The following NIBAN2 variants were observed in gnomAD, a reference collection of about 807,000 sequenced individuals.
NIBAN2 encodes protein Niban 2.
In NIBAN2, 36 loss-of-function variants were observed where a neutral mutation model predicts 81.8. The observed-to-expected ratio is 0.44, with a 90% CI of 0.34 to 0.58. The LOEUF (loss-of-function observed/expected upper bound fraction) is 0.58. NIBAN2 is among the 20% of genes least tolerant of loss of function. NIBAN2 has a pLI of 0.02. For missense variants in NIBAN2, 897 were observed against 1,014.1 expected (o/e 0.88, Z 1.57); for synonymous variants, 445 against 441.6 (o/e 1.01, Z -0.10).
intron 1 of NIBAN2, among the ~76,000 whole-genome samples, chr9:127,578,576 C>T (rs1050438157): frequency 6.6e-6 from 1 of 151,274 alleles, no homozygotes; most frequent in South Asian, 2.1e-4. Flanking sequence ...GCAGGAGAAT[C>T]GCTTGAATCT....
Position 127,506,719 on chromosome 9 carries a change from T to G in NIBAN2, c.*126A>C, listed in dbSNP as rs1188349368. 2.6e-6 allele frequency: 2 copies of G among 776,712 alleles called. No individual in the cohort carries two copies. Among genetic ancestry groups the G allele is most frequent in the Non-Finnish European group, 3.9e-6 (2 of 516,116 alleles). 48.1% of individuals were successfully genotyped at this position (776,712 alleles called of 1,614,324 possible). On this transcript the variant is annotated 3_prime_UTR_variant, in exon 14 of 14. Transcript: ENST00000373312. Reference sequence around the variant, plus strand: ...CTCAGGTGGGCCCGCTCCCTGGCGGTGCCACACAGCCCTGCCCCGCCTCCA... The same window carrying G: ...CTCAGGTGGGCCCGCTCCCTGGCGGGGCCACACAGCCCTGCCCCGCCTCCA...
rs1837001942 is a variant in NIBAN2 at position 127,523,591 on chromosome 9, C to T, written c.589+88G>A. 2.8e-6 allele frequency: 4 copies of T among 1,407,606 alleles called. No individual in the cohort carries two copies. In the Admixed American group the frequency reaches 7.3e-5, roughly 26 times the overall value. 87.2% of individuals were successfully genotyped at this position (1,407,606 alleles called of 1,614,324 possible). ...CAGCCTGTAGAGCAGGGTTGCCACA[C>T]CATAGTCAGCCACTAGGTGTCACCA... On this transcript the variant is annotated intron_variant, in intron 5 of 13. Transcript: ENST00000373312.
rs756382989 is a variant in NIBAN2 at position 127,516,969 on chromosome 9, G to C, written c.861C>G (p.Phe287Leu). The change falls in exon 8 of 14, where the codon TTC (phenylalanine) becomes TTG (leucine). Residue 287 changes from phenylalanine to leucine, a missense_variant. This residue lies in a region of NIBAN2 where 619 missense variants were observed against 691.0 expected (regional missense o/e 0.90). Transcript: ENST00000373312. Reference sequence around the variant, plus strand: ...GCTGCACCTTGGACAGCACCTCCTCGAAGCGCGCCTTGGCCTGCTCGTACA... The same window carrying C: ...GCTGCACCTTGGACAGCACCTCCTCCAAGCGCGCCTTGGCCTGCTCGTACA... ...HMVYEQAKAR[F>L]EEVLSKVQQV... is the part of the protein sequence containing the mutation. The C allele has an allele frequency of 6.2e-7, 1 of 1,613,936 alleles. No homozygotes were observed. The highest frequency in any genetic ancestry group is 8.5e-7 in the Non-Finnish European group (1 of 1,180,016).
Position 127,561,008 on chromosome 9 carries a change from C to T in NIBAN2, c.55+7812G>A, listed in dbSNP as rs116193558. 2.4e-3 allele frequency: 1,480 copies of T among 604,110 alleles called. 20 individuals are homozygous for T. The African/African-American group carries it at 0.028, about 11-fold the overall frequency. The allele number at this position is 604,110 out of a possible 1,614,324, so 37.4% of individuals were successfully genotyped here. ...TCACACAGCAAGTGGTCAATGGGAC[C>T]AGGCTTAAGGCTTACAAGTCTAGTT... On this transcript the variant is annotated intron_variant, in intron 1 of 13. Coordinates refer to ENST00000373312, the MANE Select transcript of NIBAN2 (RefSeq NM_022833.4).
At chr9:127,546,550 G>A (rs181355207) in intron 1 of NIBAN2, among the ~76,000 whole-genome samples, 3 of 152,220 alleles carry the variant, frequency 2.0e-5, no homozygotes, top group South Asian at 2.1e-4. Context: ...CAAGATGTCC[G>A]CAGTGTCAAC....
At chr9:127,572,764 G>C (rs1837962948), upstream of NIBAN2, among the ~76,000 whole-genome samples, 1 of 151,966 alleles carries the variant, frequency 6.6e-6, no homozygotes, top group Non-Finnish European at 1.5e-5. Context: ...TGATATTCAG[G>C]CTGAGCACGG....
At chr9:127,552,734 G>A (rs113453017) in intron 1 of NIBAN2, among the ~76,000 whole-genome samples, 22,530 of 134,680 alleles carry the variant, frequency 0.17, 1,951 homozygotes, top group Admixed American at 0.23. Flanking sequence ...TGTCACCCAG[G>A]CTGGAGTATA....
At chr9:127,518,467 C>T (rs1371893131) in intron 5 of NIBAN2, among the ~76,000 whole-genome samples, 2 of 152,358 alleles carry the variant, frequency 1.3e-5, no homozygotes, top group South Asian at 2.1e-4. Flanking sequence ...ATTCTCAGCC[C>T]GGCAGGCCAT....
chr9:127,544,215 C>T (rs142076746), intron 1 of NIBAN2, among the ~76,000 whole-genome samples: 93 of 152,260 alleles, frequency 6.1e-4, no homozygotes, highest in African/African-American at 2.1e-3. Flanking sequence ...CCTAACATGG[C>T]GCTGGCCTTG....
intron 5 of NIBAN2, among the ~76,000 whole-genome samples, chr9:127,523,132 A>C (rs1836975393): frequency 1.4e-5 from 2 of 138,334 alleles, no homozygotes; most frequent in East Asian, 2.4e-4. Context: ...TGAGGGAGGC[A>C]GTGAAGTTTC....
intron 1 of NIBAN2, among the ~76,000 whole-genome samples, chr9:127,546,153 C>T (rs947789352): frequency 1.3e-5 from 2 of 152,218 alleles, no homozygotes; most frequent in Non-Finnish European, 1.5e-5. Context: ...ACACGACCCT[C>T]CTTTCCTCTC....
rs755669061 is a variant in NIBAN2 at position 127,508,225 on chromosome 9, G to A, written c.1435-25C>T. On this transcript the variant is annotated intron_variant, in intron 11 of 13. Coordinates refer to ENST00000373312, the MANE Select transcript of NIBAN2 (RefSeq NM_022833.4). The surrounding 1 kb of genome is among the most constrained non-coding windows in gnomAD (Gnocchi z 6.4). ...TCTGCAGGGAACAAGGGGGTCGGGG[G>A]TCTGCAGGTCAGTGGGCTCCATTGG... 6.3e-7 allele frequency: 1 copy of A among 1,584,450 alleles called. No individual in the cohort carries two copies.
chr9:127,531,708 G>A lies in NIBAN2; in HGVS notation c.126C>T (p.Asn42=), dbSNP rs1406832198. ...TGCCCTCAATCTCATGGCGCATGCT[G>A]TTGAAGAGAGCCACGCCATACTGGT... The part of the protein sequence containing the change: ...YEDQYGVALF[N]SMRHEIEGTG... Residue 42 remains asparagine, a synonymous_variant, in exon 2 of 14, where the codon AAC becomes AAT. Transcript: ENST00000373312. 5.6e-6 allele frequency: 9 copies of A among 1,614,180 alleles called. No homozygotes were observed. The highest frequency in any genetic ancestry group is 1.3e-5 in the African/African-American group (1 of 75,072).
intron 5 of NIBAN2, among the ~76,000 whole-genome samples, chr9:127,519,762 G>C (rs1434738768): frequency 2.0e-5 from 3 of 152,254 alleles, no homozygotes; most frequent in Non-Finnish European, 4.4e-5. Context: ...GGATGTTCCA[G>C]CTGGAGCAGC....
chr9:127,573,747 T>G (rs1564324416), upstream of NIBAN2, among the ~76,000 whole-genome samples: 1 of 152,196 alleles, frequency 6.6e-6, no homozygotes, highest in Non-Finnish European at 1.5e-5. Context: ...TCTACCTACC[T>G]TCTGGGTTCA....
chr9:127,510,112 G>A, intron 9 of NIBAN2, 34 bp downstream of exon 9: 1 of 1,579,598 alleles, frequency 6.3e-7, no homozygotes, highest in Non-Finnish European at 8.6e-7. Context: ...CCTACTCTCA[G>A]GAGACCCCCT....
chr9:127,577,021 T>A (rs1838018045), intron 1 of NIBAN2, among the ~76,000 whole-genome samples: 1 of 151,946 alleles, frequency 6.6e-6, no homozygotes, highest in South Asian at 2.1e-4. Flanking sequence ...TGTTATTTTA[T>A]TTTAAAGTAA....
chr9:127,541,477 G>A (rs369470751), intron 1 of NIBAN2, among the ~76,000 whole-genome samples: 55 of 152,196 alleles, frequency 3.6e-4, no homozygotes, highest in Non-Finnish European at 6.8e-4. Context: ...CTCTGAACAG[G>A]GAACCAACGT....
rs1836708395 is a variant in NIBAN2 at position 127,510,203 on chromosome 9, C to A, written c.1104G>T (p.Glu368Asp). The change falls in exon 9 of 14, where the codon GAG becomes GAT. Residue 368 changes from glutamate to aspartate, a missense_variant. Physicochemically the swap from Glu to Asp is conservative, Grantham distance 45. This residue lies in a region of NIBAN2 where 619 missense variants were observed against 691.0 expected (regional missense o/e 0.90). Coordinates refer to ENST00000373312, the MANE Select transcript of NIBAN2 (RefSeq NM_022833.4). ...TGACGTTCAGGTTCATGTCCGTGAC[C>A]TCCTTGAAGAAGACATCTCGCACCT... ...FTEVRDVFFK[E>D]VTDMNLNVIN... 4 of 1,613,998 alleles carry A rather than the reference C, an allele frequency of 2.5e-6. No homozygotes were observed. Among genetic ancestry groups the A allele is most frequent in the Non-Finnish European group, 3.4e-6 (4 of 1,179,972 alleles).
Sources: gnomAD v4.1 joint callset for allele counts (sites outside exome capture counted in the v4.1 genomes callset) on GRCh38, gnomAD v4.1.1 for gene constraint, gnomAD v4.1.1 regional missense constraint, Gnocchi (gnomAD v3.1) non-coding constraint, MANE v1.5 for transcripts, NCBI Gene and HGNC (gene_info 2026-07-23, HGNC 2026-07-21) for gene names.